PCDHGA2: variants seen among roughly 807,000 people sequenced by gnomAD.
PCDHGA2 encodes protocadherin gamma subfamily A, 2.
In PCDHGA2, 40 loss-of-function variants were observed where a neutral mutation model predicts 59.2. The observed-to-expected ratio is 0.68, with a 90% CI of 0.52 to 0.88. The LOEUF (loss-of-function observed/expected upper bound fraction) is 0.88. Ranked by LOEUF, PCDHGA2 falls within the 40% of genes least tolerant of loss-of-function variation. The pLI, the probability that PCDHGA2 is intolerant of heterozygous loss-of-function variation, is 0.00. For synonymous variants in PCDHGA2, 560 were observed against 526.0 expected (o/e 1.06, Z -0.89); for missense variants, 1,226 against 1,204.0 (o/e 1.02, Z -0.27).
intron 1 of PCDHGA2, chr5:141,478,511 C>CA: frequency 3.1e-6 from 5 of 1,611,778 alleles, no homozygotes; most frequent in Non-Finnish European, 4.2e-6. Context: ...GTTCTATAGG[C>CA]AGGTGTTGGG....
rs746913952 is a variant in PCDHGA2, at chr5:141,432,898, G to A, written c.2425-61909G>A. The A allele has an allele frequency of 1.2e-6, 2 of 1,614,174 alleles. No homozygotes were observed. Among genetic ancestry groups the A allele is most frequent in the South Asian group, 1.1e-5 (1 of 91,090 alleles). On this transcript the variant is annotated intron_variant, in intron 1 of 3. Transcript: ENST00000394576. This position sits in a 1 kb window ranked among gnomAD's most constrained non-coding sequence, Gnocchi z 6.0. ...TGGCCTTCGTCATCTTGCTGCTGGC[G>A]CTCAGGCTGCGGCGCTGGCACAAGT...
chr5:141,433,397 A>ATCTATCTATCTG (rs2097600396), intron 1 of PCDHGA2, among the ~76,000 whole-genome samples: 2 of 150,410 alleles, frequency 1.3e-5, no homozygotes, highest in African/African-American at 2.5e-5. Flanking sequence ...CTATCTATCT[A>ATCTATCTATCTG]TCTATCTATT....
Position 141,383,049 on chromosome 5 carries a change from G to C in PCDHGA2, c.2424+41654G>C, listed in dbSNP as rs779106714. 2.0e-5 allele frequency: 32 copies of C among 1,613,788 alleles called. No homozygotes were observed. Among genetic ancestry groups the C allele is most frequent in the Non-Finnish European group, 2.7e-5 (32 of 1,179,922 alleles). ...GGTCCTTTGTGGGAGACATCGCCAAGGACCTGGGGCTGGAGCCCCGGGAGC... is the reference window on the plus strand; with the variant it reads ...GGTCCTTTGTGGGAGACATCGCCAACGACCTGGGGCTGGAGCCCCGGGAGC... On this transcript the variant is annotated intron_variant, in intron 1 of 3. Coordinates refer to ENST00000394576, the MANE Select transcript of PCDHGA2 (RefSeq NM_018915.4).
intron 1 of PCDHGA2, chr5:141,375,437 T>G (rs763678633): frequency 3.1e-6 from 5 of 1,613,964 alleles, no homozygotes; most frequent in Non-Finnish European, 4.2e-6. Flanking sequence ...CCCGCCCACC[T>G]TCCCCCATTC....
intron 1 of PCDHGA2, chr5:141,384,258 C>T: frequency 6.2e-7 from 1 of 1,613,896 alleles, no homozygotes; most frequent in Non-Finnish European, 8.5e-7. Flanking sequence ...CCACCTTCCC[C>T]CACTCATCCT....
intron 1 of PCDHGA2, chr5:141,350,384 G>A: frequency 6.3e-7 from 1 of 1,591,394 alleles, no homozygotes; most frequent in East Asian, 2.2e-5. Flanking sequence ...GCTAGCCAAC[G>A]GCTCACGGGT....
At chr5:141,506,462 AAAAG>A (rs1396142744) in intron 3 of PCDHGA2, among the ~76,000 whole-genome samples, 1 of 151,856 alleles carries the variant, frequency 6.6e-6, no homozygotes, top group African/African-American at 2.4e-5. Flanking sequence ...AAAAAAAAAA[AAAAG>A]AGCACAGGCT....
intron 1 of PCDHGA2, among the ~76,000 whole-genome samples, chr5:141,381,021 A>C (rs1337045827): frequency 6.6e-6 from 1 of 152,244 alleles, no homozygotes; most frequent in Non-Finnish European, 1.5e-5. Context: ...TACCTCTATT[A>C]GTTCCTTTAA....
intron 1 of PCDHGA2, chr5:141,388,813 T>G: frequency 6.2e-7 from 1 of 1,613,884 alleles, no homozygotes; most frequent in Non-Finnish European, 8.5e-7. Flanking sequence ...TTTGAAGAAG[T>G]CAAAGAATAT....
chr5:141,419,218 A>G, intron 1 of PCDHGA2: 1 of 1,613,940 alleles, frequency 6.2e-7, no homozygotes, highest in Non-Finnish European at 8.5e-7. Flanking sequence ...CGGTTTTCGG[A>G]CAGTCAGCCT....
intron 1 of PCDHGA2, among the ~76,000 whole-genome samples, chr5:141,450,375 A>G (rs1338336573): frequency 1.3e-5 from 2 of 152,166 alleles, no homozygotes; most frequent in Non-Finnish European, 2.9e-5. Context: ...GTTTGTTTAT[A>G]TGAAACTGAC....
At chr5:141,484,075 C>G (rs1397285710) in intron 1 of PCDHGA2, among the ~76,000 whole-genome samples, 2 of 152,084 alleles carry the variant, frequency 1.3e-5, no homozygotes, top group African/African-American at 4.8e-5. Context: ...AAAGCTTGCT[C>G]TTTTGAAATG....
chr5:141,382,928 A>G (rs746763440), intron 1 of PCDHGA2: 9 of 1,582,188 alleles, frequency 5.7e-6, no homozygotes, highest in South Asian at 3.4e-5. Flanking sequence ...GGCGGGGACT[A>G]CAGAGGATTC....
chr5:141,433,076 C>T, intron 1 of PCDHGA2: 1 of 1,614,188 alleles, frequency 6.2e-7, no homozygotes, highest in Non-Finnish European at 8.5e-7. Context: ...CTTCCCCCAG[C>T]CCAACTATGC....
intron 1 of PCDHGA2, chr5:141,370,515 C>T (rs570951423): frequency 6.2e-7 from 1 of 1,613,860 alleles, no homozygotes; most frequent in South Asian, 1.1e-5. Context: ...TCCCGAGGAG[C>T]TGGACAGGGG....
At chr5:141,478,050 CG>C in intron 1 of PCDHGA2, 1 of 1,614,184 alleles carries the variant, frequency 6.2e-7, no homozygotes, top group Non-Finnish European at 8.5e-7. Context: ...CAGACTCTCA[CG>C]GTCTTGATCA....
At chr5:141,344,596 G>A (rs1317190173) in intron 1 of PCDHGA2, 1 of 1,613,836 alleles carries the variant, frequency 6.2e-7, no homozygotes, top group Non-Finnish European at 8.5e-7. Context: ...GTCTCTGAGG[G>A]GGCCAAGTAT....
Position 141,477,020 on chromosome 5 carries a change from G to C in PCDHGA2, c.2425-17787G>C, listed in dbSNP as rs1383192345. The C allele has an allele frequency of 6.2e-7, 1 of 1,614,224 alleles. No homozygotes were observed. The highest frequency in any genetic ancestry group is 8.5e-7 in the Non-Finnish European group (1 of 1,180,048). On this transcript the variant is annotated intron_variant, in intron 1 of 3. Coordinates refer to ENST00000394576, the MANE Select transcript of PCDHGA2 (RefSeq NM_018915.4). The surrounding 1 kb of genome is among the most constrained non-coding windows in gnomAD (Gnocchi z 4.9). ...ACTATTCGCCTTAGACCTTGTAACC[G>C]GGATGCTGACAATCAAGGGTCGGCT...
chr5:141,445,137 T>C (rs933188032), intron 1 of PCDHGA2, among the ~76,000 whole-genome samples: 9 of 152,248 alleles, frequency 5.9e-5, no homozygotes, highest in Admixed American at 3.3e-4. Context: ...AAATTGTATC[T>C]TCTAATTGTT....
Sources: allele counts gnomAD v4.1 joint callset (sites outside exome capture counted in the v4.1 genomes callset), GRCh38; gene constraint gnomAD v4.1.1; non-coding constraint Gnocchi (gnomAD v3.1); transcripts MANE v1.5; gene names NCBI Gene and HGNC (gene_info 2026-07-23, HGNC 2026-07-21).